Variants in SORCS3 observed in about 807,000 individuals in gnomAD.
SORCS3 encodes sortilin related VPS10 domain containing receptor 3.
In SORCS3, 57 loss-of-function variants were observed where a neutral mutation model predicts 146.3. The observed-to-expected ratio is 0.39, with a 90% CI of 0.31 to 0.49. SORCS3 has a LOEUF of 0.49. Among genes scored for constraint, SORCS3 ranks in the 20% least tolerant of loss-of-function variants. SORCS3 has a pLI of 0.92. For synonymous variants in SORCS3, 653 were observed against 618.5 expected (o/e 1.06, Z -0.83); for missense variants, 1,341 against 1,575.5 (o/e 0.85, Z 2.52).
At chr10:104,702,530 C>T (rs540441909) in intron 1 of SORCS3, among the ~76,000 whole-genome samples, 8 of 152,286 alleles carry the variant, frequency 5.3e-5, no homozygotes, top group South Asian at 4.1e-4. Context: ...TCAAGTGATC[C>T]GCTTGCCTTG....
At chr10:104,824,297 C>CA (rs377528800) in intron 1 of SORCS3, among the ~76,000 whole-genome samples, 597 of 152,332 alleles carry the variant, frequency 3.9e-3, no homozygotes, top group Non-Finnish European at 5.9e-3. Flanking sequence ...GCTCTAGCCT[C>CA]AGAAGACAAT....
intron 4 of SORCS3, among the ~76,000 whole-genome samples, chr10:105,041,759 G>A (rs1000778649): frequency 6.6e-6 from 1 of 152,098 alleles, no homozygotes; most frequent in Non-Finnish European, 1.5e-5. Flanking sequence ...GGTGTGCTGG[G>A]AAGAACAGCC....
At chr10:105,180,782 A>G (rs2056438044) in intron 14 of SORCS3, among the ~76,000 whole-genome samples, 1 of 152,074 alleles carries the variant, frequency 6.6e-6, no homozygotes, top group South Asian at 2.1e-4. Context: ...TATCTGCCAG[A>G]ATGGGCCTGC....
At chr10:105,145,622 TC>T (rs1300567431) in intron 8 of SORCS3, among the ~76,000 whole-genome samples, 1 of 152,132 alleles carries the variant, frequency 6.6e-6, no homozygotes, top group Non-Finnish European at 1.5e-5. Context: ...AGCTGTGATT[TC>T]CCCTCCTACT....
At chr10:104,917,301 A>G (rs1362961250) in intron 3 of SORCS3, among the ~76,000 whole-genome samples, 1 of 152,228 alleles carries the variant, frequency 6.6e-6, no homozygotes, top group Non-Finnish European at 1.5e-5. Flanking sequence ...TTTTAGAGCT[A>G]GAAGAAAGCA....
At chr10:105,171,996 G>A (rs72817774) in intron 13 of SORCS3, among the ~76,000 whole-genome samples, 13,509 of 152,114 alleles carry the variant, frequency 0.089, 736 homozygotes, top group Admixed American at 0.16. Flanking sequence ...ACCTGCAAAT[G>A]CCCACCTTAC....
intron 21 of SORCS3, 50 bp downstream of exon 21, chr10:105,245,715 C>G (rs1190738430): frequency 6.3e-7 from 1 of 1,591,056 alleles, no homozygotes; most frequent in East Asian, 2.3e-5. Context: ...CAGTTAATCT[C>G]CTGTGTCCAC....
intron 1 of SORCS3, among the ~76,000 whole-genome samples, chr10:104,834,164 G>T (rs2018039015): frequency 1.3e-5 from 2 of 152,130 alleles, no homozygotes; most frequent in South Asian, 2.1e-4. Context: ...ATTACAGTAG[G>T]CTCCTCATCC....
At chr10:104,944,408 A>G (rs552966889) in intron 3 of SORCS3, among the ~76,000 whole-genome samples, 7 of 152,336 alleles carry the variant, frequency 4.6e-5, no homozygotes, top group East Asian at 3.9e-4. Flanking sequence ...AAAGCATTAT[A>G]TAAGAGTGAA....
chr10:104,693,214 C>T (rs932330314), intron 1 of SORCS3, among the ~76,000 whole-genome samples: 1 of 152,174 alleles, frequency 6.6e-6, no homozygotes, highest in Non-Finnish European at 1.5e-5. Flanking sequence ...TGTTATCCTT[C>T]ACTTGTGCAG....
intron 1 of SORCS3, among the ~76,000 whole-genome samples, chr10:104,695,935 GTA>G (rs201501388): frequency 9.2e-5 from 13 of 140,942 alleles, no homozygotes; most frequent in South Asian, 2.1e-4. Flanking sequence ...AAATTGTGAT[GTA>G]TATATATAAT....
chr10:105,249,352 G>C (rs906771516), intron 22 of SORCS3, among the ~76,000 whole-genome samples: 4 of 152,206 alleles, frequency 2.6e-5, no homozygotes, highest in African/African-American at 9.6e-5. Flanking sequence ...AGATGTAAGA[G>C]AAGAGGCTGT....
intron 3 of SORCS3, among the ~76,000 whole-genome samples, chr10:104,950,333 C>T (rs1400650481): frequency 6.6e-6 from 1 of 152,182 alleles, no homozygotes; most frequent in Non-Finnish European, 1.5e-5. Context: ...GATGCTAGTT[C>T]CTGCAACATT....
At chr10:105,070,784 T>G (rs1374274059) in intron 5 of SORCS3, among the ~76,000 whole-genome samples, 1 of 152,222 alleles carries the variant, frequency 6.6e-6, no homozygotes, top group Non-Finnish European at 1.5e-5. Context: ...CATTGAAAAT[T>G]AACAAACCCT....
intron 4 of SORCS3, among the ~76,000 whole-genome samples, chr10:105,035,137 T>C (rs114364823): frequency 0.011 from 1,717 of 152,248 alleles, 18 homozygotes; most frequent in African/African-American, 0.029. Flanking sequence ...GGGACAGTGG[T>C]AAAAAGGGAG....
chr10:105,067,963 A>G (rs1357021664), intron 5 of SORCS3, among the ~76,000 whole-genome samples: 1 of 151,990 alleles, frequency 6.6e-6, no homozygotes, highest in Non-Finnish European at 1.5e-5. Flanking sequence ...GCAAAGAGAC[A>G]CATTTCCCCA....
At chr10:104,951,326 A>T (rs1385385111) in intron 3 of SORCS3, among the ~76,000 whole-genome samples, 3 of 151,952 alleles carry the variant, frequency 2.0e-5, no homozygotes, top group African/African-American at 4.8e-5. Flanking sequence ...TTGATTTTTT[A>T]AAATTTATTT....
intron 1 of SORCS3, among the ~76,000 whole-genome samples, chr10:104,707,132 T>C (rs964992290): frequency 6.6e-6 from 1 of 152,154 alleles, no homozygotes; most frequent in African/African-American, 2.4e-5. Flanking sequence ...CAGAAAAACA[T>C]ACTGATGTAG....
chr10:104,823,180 G>C (rs995164291), intron 1 of SORCS3, among the ~76,000 whole-genome samples: 2 of 152,134 alleles, frequency 1.3e-5, no homozygotes, highest in Non-Finnish European at 2.9e-5. Flanking sequence ...GGCACAGGGA[G>C]AACCTAGGCC....
Sources: allele counts gnomAD v4.1 joint callset (sites outside exome capture counted in the v4.1 genomes callset), GRCh38; gene constraint gnomAD v4.1.1; transcripts MANE v1.5; gene names NCBI Gene and HGNC (gene_info 2026-07-23, HGNC 2026-07-21).